Variants in NME7 observed in about 807,000 individuals in gnomAD.
NME7 encodes the protein NME/NM23 family member 7.
Under a neutral mutation model 49.1 loss-of-function variants are expected in NME7, and 41 were observed. That is an observed-to-expected ratio of 0.83 (90% CI 0.65 to 1.08). NME7 has a LOEUF of 1.08. NME7 is among the 50% of genes least tolerant of loss of function. NME7 has a pLI of 0.00. For synonymous variants in NME7, 139 were observed against 150.6 expected, an observed-to-expected ratio of 0.92 and a Z score of 0.56; for missense variants, 423 against 463.4, an observed-to-expected ratio of 0.91 and a Z score of 0.80.
chr1:169,196,460 A>AT (rs1176137386), intron 10 of NME7, among the ~76,000 whole-genome samples: 8 of 152,118 alleles, frequency 5.3e-5, no homozygotes, highest in South Asian at 2.1e-4. Context: ...GAGAAAAGGG[A>AT]TTTTTTTGTG....
chr1:169,174,113 C>G (rs989840754), intron 10 of NME7, among the ~76,000 whole-genome samples: 2 of 152,058 alleles, frequency 1.3e-5, no homozygotes, highest in Non-Finnish European at 2.9e-5. Flanking sequence ...CTCAGGTAAT[C>G]CTGCTGTGGG....
intron 1 of NME7, among the ~76,000 whole-genome samples, chr1:169,356,900 A>AAAATTGC (rs1297332782): frequency 6.6e-6 from 1 of 152,196 alleles, no homozygotes; most frequent in African/African-American, 2.4e-5. Flanking sequence ...CAGTGAATGA[A>AAAATTGC]AAATTGCAGA....
chr1:169,348,301 T>G (rs1165900569), intron 1 of NME7, among the ~76,000 whole-genome samples: 1 of 151,406 alleles, frequency 6.6e-6, no homozygotes, highest in African/African-American at 2.4e-5. Context: ...TGTAGTTTCC[T>G]GATTAAGTTT....
chr1:169,206,327 T>C (rs533453344), intron 10 of NME7, among the ~76,000 whole-genome samples: 1 of 152,008 alleles, frequency 6.6e-6, no homozygotes, highest in East Asian at 1.9e-4. Context: ...AATTCAAATA[T>C]CTATATGGAA....
In NME7 at chr1:169,355,320, A is replaced by G. The variant is rs183119666; in HGVS notation, c.3+12388T>C. ...TATTATATATAATATATTGTATATT[A>G]TATATAATATATTGTATATTATATT... On this transcript the variant is annotated intron_variant, in intron 1 of 11. Coordinates refer to ENST00000367811, the MANE Select transcript of NME7 (RefSeq NM_013330.5). Among the ~76,000 whole-genome samples, 71 of 107,544 alleles carry G rather than the reference A, an allele frequency of 6.6e-4. 2 individuals are homozygous for G. The highest frequency in any genetic ancestry group is 2.5e-3 in the African/African-American group (71 of 27,940). The allele number at this position is 107,544 out of a possible 152,430, so 70.6% of individuals were successfully genotyped here. A position where few individuals can be genotyped will look rare whatever the true frequency, so the allele number is the denominator to read the frequency against.
At chr1:169,243,006 C>G (rs1000489942) in intron 7 of NME7, among the ~76,000 whole-genome samples, 2 of 151,912 alleles carry the variant, frequency 1.3e-5, no homozygotes, top group African/African-American at 2.4e-5. Flanking sequence ...AAATTGTTAT[C>G]AAAATACCAG....
At chr1:169,184,027 T>C (rs980435299) in intron 10 of NME7, among the ~76,000 whole-genome samples, 7 of 152,126 alleles carry the variant, frequency 4.6e-5, no homozygotes, top group Admixed American at 6.6e-5. Context: ...AACTTTTTAT[T>C]AGGAGTTATA....
chr1:169,228,851 C>T (rs1386265283), intron 10 of NME7, among the ~76,000 whole-genome samples: 1 of 152,124 alleles, frequency 6.6e-6, no homozygotes, highest in African/African-American at 2.4e-5. Flanking sequence ...AGCATCATTA[C>T]CAATTTCTCT....
chr1:169,276,887 C>T (rs183346116), intron 7 of NME7, among the ~76,000 whole-genome samples: 2 of 148,444 alleles, frequency 1.3e-5, no homozygotes, highest in Non-Finnish European at 3.0e-5. Context: ...GGTATGTTGT[C>T]TCTTTGTTCT....
chr1:169,286,553 A>G lies in NME7; in HGVS notation c.754+750T>C, dbSNP rs138668983. On this transcript the variant is annotated intron_variant, in intron 7 of 11. Transcript: ENST00000367811. ...ACTTGCAAACTCTTTCTCTTTATAT[A>G]TGTATATATATGCAAACATGTATAT... 49 of 152,288 alleles carry G rather than the reference A, an allele frequency of 3.2e-4. No homozygotes were observed. The East Asian group carries it at 7.9e-3, about 25-fold the overall frequency. 9.4% of individuals were successfully genotyped at this position (152,288 alleles called of 1,614,324 possible). A position where few individuals can be genotyped will look rare whatever the true frequency, so the allele number is the denominator to read the frequency against.
rs2101798375 is a variant in NME7, at chr1:169,132,733, A to G, written c.*52T>C. On this transcript the variant is annotated 3_prime_UTR_variant, in exon 12 of 12. Coordinates refer to ENST00000367811, the MANE Select transcript of NME7 (RefSeq NM_013330.5). ...AGAATGAACACATTCCTCGTGTGTG[A>G]TTCACTCTTGTCTAAATGTCCCAAC... is the stretch of plus-strand genomic sequence containing the variant. 6 of 1,534,738 alleles carry G rather than the reference A, an allele frequency of 3.9e-6. No homozygotes were observed. In the South Asian group the frequency reaches 6.8e-5, roughly 17 times the overall value.
At position 169,291,669 on chromosome 1, in the gene NME7, T is replaced by A. The variant is rs201426537; in HGVS notation, c.649-4261A>T. Reference sequence around the variant, plus strand: ...AGTATAATAATAATAATAATAATAATAAAAAGAAATAGACACAGCCACTTC... The same window carrying A: ...AGTATAATAATAATAATAATAATAAAAAAAAGAAATAGACACAGCCACTTC... On this transcript the variant is annotated intron_variant, in intron 6 of 11. Coordinates refer to ENST00000367811, the MANE Select transcript of NME7 (RefSeq NM_013330.5). 5.0e-5 allele frequency among the ~76,000 whole-genome samples: 7 copies of A among 140,748 alleles called. No homozygotes were observed. In the East Asian group the frequency reaches 7.0e-4, roughly 14 times the overall value. The allele number at this position is 140,748 out of a possible 152,430, so 92.3% of individuals were successfully genotyped here. A position where few individuals can be genotyped will look rare whatever the true frequency, so the allele number is the denominator to read the frequency against.
intron 3 of NME7, among the ~76,000 whole-genome samples, chr1:169,311,633 C>T (rs1160996287): frequency 6.6e-6 from 1 of 152,012 alleles, no homozygotes; most frequent in Non-Finnish European, 1.5e-5. Flanking sequence ...AAACTCTTCA[C>T]TTTTTAATTC....
intron 10 of NME7, among the ~76,000 whole-genome samples, chr1:169,213,856 T>A (rs1193404129): frequency 2.7e-5 from 4 of 150,656 alleles, no homozygotes; most frequent in African/African-American, 9.7e-5. Context: ...CACACAAACA[T>A]ACACACACAT....
At chr1:169,183,500 T>A (rs1356820321) in intron 10 of NME7, among the ~76,000 whole-genome samples, 2 of 152,204 alleles carry the variant, frequency 1.3e-5, no homozygotes, top group African/African-American at 4.8e-5. Flanking sequence ...CTTGGTTACA[T>A]ATTTCTTAAG....
intron 10 of NME7, among the ~76,000 whole-genome samples, chr1:169,192,524 T>C (rs1042209972): frequency 1.3e-5 from 2 of 152,178 alleles, no homozygotes; most frequent in African/African-American, 2.4e-5. Flanking sequence ...ATCAGGGACT[T>C]GAGCATCTCA....
At chr1:169,285,477 A>T (rs925064217) in intron 7 of NME7, 1 of 152,170 alleles carries the variant, frequency 6.6e-6, no homozygotes, top group African/African-American at 2.4e-5. Context: ...AATTGTTACT[A>T]ATCATGTGCC....
intron 1 of NME7, among the ~76,000 whole-genome samples, chr1:169,333,439 T>C (rs561826432): frequency 2.6e-5 from 4 of 152,220 alleles, no homozygotes; most frequent in South Asian, 2.1e-4. Flanking sequence ...AATAACTTAA[T>C]TGTACATTTT....
chr1:169,309,653 A>T (rs773346599), intron 4 of NME7, among the ~76,000 whole-genome samples: 1 of 152,116 alleles, frequency 6.6e-6, no homozygotes, highest in Non-Finnish European at 1.5e-5. Flanking sequence ...CTAGTTGAGA[A>T]GTTGATTTGT....
Sources: gnomAD v4.1 joint callset for allele counts (sites outside exome capture counted in the v4.1 genomes callset) on GRCh38, gnomAD v4.1.1 for gene constraint, MANE v1.5 for transcripts, NCBI Gene and HGNC (gene_info 2026-07-23, HGNC 2026-07-21) for gene names.